Variants in XKR9 observed in about 807,000 individuals in gnomAD.
XKR9 encodes the protein XK-related protein 9.
Under a neutral mutation model 32.0 loss-of-function variants are expected in XKR9, and 32 were observed. The observed-to-expected ratio is 1.00, with a 90% CI of 0.76 to 1.34. The LOEUF is 1.34. XKR9 is among the 40% of genes most tolerant of loss of function. The pLI, the probability that XKR9 is intolerant of heterozygous loss-of-function variation, is 0.00. For synonymous variants in XKR9, 168 were observed against 143.4 expected, an observed-to-expected ratio of 1.17 and a Z score of -1.22; for missense variants, 546 against 429.7, an observed-to-expected ratio of 1.27 and a Z score of -2.39.
chr8:70,875,870 T>TAAAA, the XKR9 span, among the ~76,000 whole-genome samples: 1 of 152,116 alleles, frequency 6.6e-6, no homozygotes, highest in Non-Finnish European at 1.5e-5. Context: ...AATTTTAATT[T>TAAAA]AAAAACTCTT....
chr8:70,851,933 G>A, the XKR9 span, among the ~76,000 whole-genome samples: 1 of 152,202 alleles, frequency 6.6e-6, no homozygotes, highest in Non-Finnish European at 1.5e-5. Context: ...ATTGACAAAT[G>A]GGATCTAATT....
chr8:70,935,201 A>G, the XKR9 span, among the ~76,000 whole-genome samples: 2 of 43,564 alleles, frequency 4.6e-5, no homozygotes, highest in Admixed American at 7.2e-4. Context: ...ATATACATAT[A>G]CATATATACA....
At chr8:70,821,636 C>G in the XKR9 span, among the ~76,000 whole-genome samples, 1 of 152,236 alleles carries the variant, frequency 6.6e-6, no homozygotes, top group Admixed American at 6.5e-5. Context: ...AACCTCAACT[C>G]TTGACTTTTG....
the XKR9 span, among the ~76,000 whole-genome samples, chr8:71,059,377 C>T: frequency 6.6e-6 from 1 of 152,228 alleles, no homozygotes; most frequent in South Asian, 2.1e-4. Flanking sequence ...TGAGCTACCT[C>T]ATAAACTCCC....
At chr8:70,796,434 T>C in the XKR9 span, among the ~76,000 whole-genome samples, 1 of 152,194 alleles carries the variant, frequency 6.6e-6, no homozygotes, top group East Asian at 1.9e-4. Flanking sequence ...TTTCCTTTTT[T>C]CTTCATCATT....
At chr8:70,977,324 G>C in the XKR9 span, among the ~76,000 whole-genome samples, 1 of 152,026 alleles carries the variant, frequency 6.6e-6, no homozygotes, top group Non-Finnish European at 1.5e-5. Flanking sequence ...TCTTTTAATT[G>C]TGATGTTAGG....
chr8:70,692,559 C>T (rs1454197342), intron 3 of XKR9, among the ~76,000 whole-genome samples: 2 of 151,084 alleles, frequency 1.3e-5, no homozygotes, highest in Non-Finnish European at 3.0e-5. Flanking sequence ...GTGCATTTGT[C>T]ATAGATGGCT....
chr8:70,880,601 A>G, the XKR9 span, among the ~76,000 whole-genome samples: 1 of 152,182 alleles, frequency 6.6e-6, no homozygotes, highest in African/African-American at 2.4e-5. Context: ...ACAACAAACC[A>G]CTGCTCAATG....
chr8:70,740,241 T>C (rs1253529675), downstream of XKR9, among the ~76,000 whole-genome samples: 14 of 152,328 alleles, frequency 9.2e-5, no homozygotes, highest in African/African-American at 3.4e-4. Context: ...CTGATACCCT[T>C]TCTTCCAGTT....
At chr8:70,831,307 A>G in the XKR9 span, among the ~76,000 whole-genome samples, 1 of 151,972 alleles carries the variant, frequency 6.6e-6, no homozygotes, top group Non-Finnish European at 1.5e-5. Context: ...AAAAAAAAAA[A>G]AAGTACCTAA....
the XKR9 span, among the ~76,000 whole-genome samples, chr8:70,813,404 C>A: frequency 6.6e-6 from 1 of 152,124 alleles, no homozygotes; most frequent in Non-Finnish European, 1.5e-5. Flanking sequence ...GAATAAAACA[C>A]CAAAAGCAAT....
At chr8:70,925,764 A>G in the XKR9 span, among the ~76,000 whole-genome samples, 1 of 152,224 alleles carries the variant, frequency 6.6e-6, no homozygotes. Context: ...AAGGAAATCC[A>G]GAAGAGGTAT....
At chr8:70,689,099 A>C (rs1819419132) in intron 3 of XKR9, among the ~76,000 whole-genome samples, 1 of 152,212 alleles carries the variant, frequency 6.6e-6, no homozygotes, top group Admixed American at 6.5e-5. Context: ...AAAGAATTGT[A>C]AACTTATAAC....
At position 70,734,007 on chromosome 8, in the gene XKR9, G is replaced by A; in HGVS notation, c.705G>A (p.Leu235=). ...FLNVKIALFL[L]LFLWLLGIIW... is the part of the protein sequence containing the mutation. ...ATGTTAAGATTGCTTTATTTCTGTT[G>A]TTATTTCTTTGGTTGTTAGGTATAA... Residue 235 remains leucine, a synonymous_variant, in exon 5 of 5, where the codon TTG becomes TTA. Coordinates refer to ENST00000408926, the MANE Select transcript of XKR9 (RefSeq NM_001011720.2). The A allele has an allele frequency of 1.2e-6, 2 of 1,612,424 alleles. No individual in the cohort carries two copies. Among genetic ancestry groups the A allele is most frequent in the Non-Finnish European group, 1.7e-6 (2 of 1,179,542 alleles).
the XKR9 span, among the ~76,000 whole-genome samples, chr8:70,984,669 T>A: frequency 1.3e-5 from 2 of 152,218 alleles, no homozygotes; most frequent in Non-Finnish European, 2.9e-5. Flanking sequence ...CTGTACTTAG[T>A]GTTGACCTCA....
chr8:70,760,664 A>G (rs1391846926), intron 2 of XKR9, among the ~76,000 whole-genome samples: 1 of 152,188 alleles, frequency 6.6e-6, no homozygotes, highest in Non-Finnish European at 1.5e-5. Context: ...ATTCAAGTAC[A>G]TTCACAATTA....
At chr8:70,927,559 G>T in the XKR9 span, among the ~76,000 whole-genome samples, 1 of 152,124 alleles carries the variant, frequency 6.6e-6, no homozygotes, top group Non-Finnish European at 1.5e-5. Context: ...TCTTTTTGCA[G>T]TGTCCTCTGG....
the XKR9 span, among the ~76,000 whole-genome samples, chr8:71,058,946 C>G: frequency 6.6e-6 from 1 of 152,186 alleles, no homozygotes; most frequent in Non-Finnish European, 1.5e-5. Context: ...TGGTTATAAA[C>G]ACTCTTATCC....
chr8:70,811,151 C>T, the XKR9 span, among the ~76,000 whole-genome samples: 443 of 152,292 alleles, frequency 2.9e-3, 6 homozygotes, highest in African/African-American at 1.0e-2. Flanking sequence ...CAAAACCGCT[C>T]AACTACATGG....
Sources: allele counts gnomAD v4.1 joint callset (sites outside exome capture counted in the v4.1 genomes callset), GRCh38; gene constraint gnomAD v4.1.1; transcripts MANE v1.5; gene names NCBI Gene and HGNC (gene_info 2026-07-23, HGNC 2026-07-21).